The following IPO7 variants were observed in gnomAD, a reference collection of about 807,000 sequenced individuals.
The protein encoded by IPO7 is importin-7.
Under a neutral mutation model 136.4 loss-of-function variants are expected in IPO7, and 13 were observed. The ratio of observed to expected loss-of-function variants is 0.10; its 90% CI spans 0.06 to 0.15. The LOEUF (loss-of-function observed/expected upper bound fraction) is 0.15, where lower values mean the gene tolerates loss of function less well. Among genes scored for constraint, IPO7 ranks in the 10% least tolerant of loss-of-function variants. The probability of loss-of-function intolerance (pLI) is 1.00; values close to 1 mark genes in which losing one functional copy is unlikely to be tolerated. For missense variants in IPO7, 857 were observed against 1,240.6 expected (o/e 0.69, Z 4.65); for synonymous variants, 403 against 404.4 (o/e 1.00, Z 0.04).
At chr11:9,426,036 G>A (rs148980503) in intron 12 of IPO7, among the ~76,000 whole-genome samples, 3 of 151,930 alleles carry the variant, frequency 2.0e-5, no homozygotes, top group Admixed American at 1.3e-4. Context: ...CCAGGCGACA[G>A]AGACTCCGTC....
At chr11:9,385,014 TGTG>T (rs1854531575) in intron 1 of IPO7, among the ~76,000 whole-genome samples, 167 bp downstream of exon 1, 2 of 151,654 alleles carry the variant, frequency 1.3e-5, no homozygotes, top group Admixed American at 6.6e-5. Context: ...CTCGGTGTGG[TGTG>T]GTGGTGGTGG....
intron 15 of IPO7, among the ~76,000 whole-genome samples, chr11:9,430,126 G>A (rs1276867251): frequency 6.6e-6 from 1 of 152,122 alleles, no homozygotes; most frequent in African/African-American, 2.4e-5. Context: ...ATTTCCGGCA[G>A]TAATGCTCAC....
Position 9,420,477 on chromosome 11 carries a change from T to G in IPO7, c.793T>G (p.Leu265Val). The G allele has an allele frequency of 6.2e-7, 1 of 1,611,852 alleles. No homozygotes were observed. The highest frequency in any genetic ancestry group is 1.1e-5 in the South Asian group (1 of 90,994). Reference sequence around the variant, plus strand: ...ATGGTGGAAATGCAAGAAGTGGGCCTTACATATTTTAGCAAGACTTTTTGA... The same window carrying G: ...ATGGTGGAAATGCAAGAAGTGGGCCGTACATATTTTAGCAAGACTTTTTGA... ...LPWWKCKKWA[L>V]HILARLFERY... Residue 265 changes from leucine to valine, a missense_variant, in exon 7 of 25, where the codon TTA (leucine) becomes GTA (valine). By Grantham distance (32) the Leu-to-Val change is conservative (BLOSUM62 1). Coordinates refer to ENST00000379719, the MANE Select transcript of IPO7 (RefSeq NM_006391.3).
chr11:9,425,102 A>G (rs769809625), intron 11 of IPO7, 44 bp from the exon 12 acceptor site: 2 of 1,338,756 alleles, frequency 1.5e-6, no homozygotes, highest in African/African-American at 1.4e-5. Context: ...TTTTTTAAGG[A>G]CTGTTGGCCT....
At chr11:9,424,542 G>A (rs182336472) in intron 10 of IPO7, among the ~76,000 whole-genome samples, 1 of 152,168 alleles carries the variant, frequency 6.6e-6, no homozygotes, top group Non-Finnish European at 1.5e-5. Context: ...TCAGGAGTTT[G>A]AGACCAGCCT....
intron 6 of IPO7, among the ~76,000 whole-genome samples, chr11:9,418,657 A>T (rs979887213): frequency 2.6e-5 from 4 of 152,212 alleles, no homozygotes; most frequent in African/African-American, 9.6e-5. Flanking sequence ...TATAAAATAT[A>T]ACTTTTAAAG....
At chr11:9,433,378 C>G (rs1855326972) in intron 16 of IPO7, 192 bp from the exon 17 acceptor site, 1 of 525,300 alleles carries the variant, frequency 1.9e-6, no homozygotes, top group Admixed American at 3.4e-5. Context: ...GTGTTTTTCT[C>G]ATTGTAATGG....
At chr11:9,397,236 A>G (rs193102630) in intron 1 of IPO7, among the ~76,000 whole-genome samples, 135 of 148,494 alleles carry the variant, frequency 9.1e-4, no homozygotes, top group African/African-American at 3.3e-3. Flanking sequence ...ACTTCCAGCT[A>G]TTATAATTTT....
intron 2 of IPO7, among the ~76,000 whole-genome samples, chr11:9,404,369 G>T (rs1330947178): frequency 6.6e-6 from 1 of 151,734 alleles, no homozygotes; most frequent in East Asian, 2.0e-4. Flanking sequence ...GGAGGCTGAG[G>T]CAGGAGAATG....
At chr11:9,431,575 T>C (rs573993643) in intron 16 of IPO7, among the ~76,000 whole-genome samples, 1 of 152,058 alleles carries the variant, frequency 6.6e-6, no homozygotes, top group South Asian at 2.1e-4. Context: ...ATATTCTAAG[T>C]GTTAAGAATG....
intron 3 of IPO7, among the ~76,000 whole-genome samples, chr11:9,409,304 TTACCATGTTG>T (rs1268151084): frequency 6.6e-6 from 1 of 152,062 alleles, no homozygotes; most frequent in Non-Finnish European, 1.5e-5. Context: ...AGACGAGGTT[TTACCATGTTG>T]GCCACGCTGG....
intron 4 of IPO7, among the ~76,000 whole-genome samples, chr11:9,410,923 A>G (rs561532913): frequency 9.8e-5 from 15 of 152,288 alleles, no homozygotes; most frequent in African/African-American, 2.9e-4. Context: ...TTAGCCTCCA[A>G]TACCCTCTTT....
chr11:9,428,682 CTG>C (rs1855247711), intron 13 of IPO7, 53 bp downstream of exon 13: 3 of 960,594 alleles, frequency 3.1e-6, no homozygotes, highest in South Asian at 2.6e-5. Context: ...ATGAATGACT[CTG>C]TGGACTTTTA....
chr11:9,390,575 T>C (rs1271626820), intron 1 of IPO7, among the ~76,000 whole-genome samples: 1 of 152,216 alleles, frequency 6.6e-6, no homozygotes, highest in Non-Finnish European at 1.5e-5. Flanking sequence ...TTTGAAGTAC[T>C]GTTCTGAATT....
intron 1 of IPO7, among the ~76,000 whole-genome samples, chr11:9,397,071 AAC>A: frequency 6.6e-6 from 1 of 151,518 alleles, no homozygotes; most frequent in East Asian, 1.9e-4. Flanking sequence ...TGCTTGCCTT[AAC>A]ACACCTAATG....
chr11:9,438,179 G>C lies in IPO7; in HGVS notation c.2589G>C (p.Pro863=), dbSNP rs150881483. ...VLNQVSGQIL[P]AFILLFNGLK... ...ATCAGGTTTCTGGACAGATTTTGCCGGCTTTTATCCTTTTATTTAACGGAT... is the reference window on the plus strand; with the variant it reads ...ATCAGGTTTCTGGACAGATTTTGCCCGCTTTTATCCTTTTATTTAACGGAT... Residue 863 remains proline, a synonymous_variant, in exon 22 of 25, where the codon CCG becomes CCC. Coordinates refer to ENST00000379719, the MANE Select transcript of IPO7 (RefSeq NM_006391.3). 6.2e-7 allele frequency: 1 copy of C among 1,610,090 alleles called. No homozygotes were observed. Among genetic ancestry groups the C allele is most frequent in the Admixed American group, 1.7e-5 (1 of 59,474 alleles).
chr11:9,413,852 C>G (rs1260172094), intron 4 of IPO7, among the ~76,000 whole-genome samples: 1 of 150,962 alleles, frequency 6.6e-6, no homozygotes, highest in African/African-American at 2.4e-5. Flanking sequence ...TTCATTATGC[C>G]TCCTCATCTA....
rs778529771 is a variant in IPO7 at position 9,437,801 on chromosome 11, G to T, written c.2316G>T (p.Glu772Asp). ...CAGCCTTAGAAAGACTGACAAGAGA[G>T]GTTAAGACAAGTGAACTTCGAACTA... is the stretch of plus-strand genomic sequence containing the variant. ...VEAALERLTREVKTSELRTMC... is the reference protein window; with the variant it reads ...VEAALERLTRDVKTSELRTMC... The change falls in exon 21 of 25, where the codon GAG becomes GAT. Residue 772 changes from glutamate to aspartate, a missense_variant. By Grantham distance (45) the Glu-to-Asp change is conservative. Transcript: ENST00000379719. 2.5e-5 allele frequency: 40 copies of T among 1,614,110 alleles called. 2 individuals are homozygous for T. In the South Asian group the frequency reaches 4.3e-4, roughly 17 times the overall value.
Position 9,447,179 on chromosome 11 carries a change from A to G in IPO7, c.*1985A>G, listed in dbSNP as rs1446653783. 1 of 152,194 alleles carries G rather than the reference A, an allele frequency of 6.6e-6. No homozygotes were observed. Among genetic ancestry groups the G allele is most frequent in the East Asian group, 1.9e-4 (1 of 5,206 alleles). The allele number at this position is 152,194 out of a possible 1,614,324, so 9.4% of individuals were successfully genotyped here. A position where few individuals can be genotyped will look rare whatever the true frequency, so the allele number is the denominator to read the frequency against. ...AGACTTCACTGCTTTTTGAATTCAT[A>G]ATTCTAATTTTCACATTATTGTTAA... On this transcript the variant is annotated 3_prime_UTR_variant, in exon 25 of 25. Transcript: ENST00000379719.
Sources: gnomAD v4.1 joint callset for allele counts (sites outside exome capture counted in the v4.1 genomes callset) on GRCh38, gnomAD v4.1.1 for gene constraint, MANE v1.5 for transcripts, NCBI Gene and HGNC (gene_info 2026-07-23, HGNC 2026-07-21) for gene names.